The following FBXW7 variants were observed in gnomAD, a reference collection of about 807,000 sequenced individuals.
FBXW7 encodes F-box and WD repeat domain containing 7, also known as F-box/WD repeat-containing protein 7.
In FBXW7, 11 loss-of-function variants were observed where a neutral mutation model predicts 86.3. That is an observed-to-expected ratio of 0.13 (90% CI 0.08 to 0.21). FBXW7 has a LOEUF of 0.21. FBXW7 is among the 10% of genes least tolerant of loss of function. FBXW7 has a pLI of 1.00. For missense variants in FBXW7, 488 were observed against 847.4 expected (o/e 0.58, Z 5.27); for synonymous variants, 313 against 297.9 (o/e 1.05, Z -0.52).
chr4:152,324,571 A>G, intron 12 of FBXW7, 177 bp from the exon 13 acceptor site: 1 of 581,628 alleles, frequency 1.7e-6, no homozygotes, highest in Non-Finnish European at 3.1e-6. Context: ...GCAACTCTAC[A>G]ATGTATGTTC....
intron 2 of FBXW7, among the ~76,000 whole-genome samples, chr4:152,418,037 G>A (rs1579145821): frequency 6.6e-6 from 1 of 151,804 alleles, no homozygotes; most frequent in South Asian, 2.1e-4. Flanking sequence ...AAAGCTCTTG[G>A]GGCAAAATGT....
chr4:152,382,722 A>C (rs1400556169), intron 4 of FBXW7, among the ~76,000 whole-genome samples: 3 of 152,162 alleles, frequency 2.0e-5, no homozygotes, highest in African/African-American at 7.2e-5. Flanking sequence ...AAGTGAAAGT[A>C]AATTTTTACT....
chr4:152,422,934 TTTC>T (rs1326405769), intron 2 of FBXW7, among the ~76,000 whole-genome samples: 1 of 152,226 alleles, frequency 6.6e-6, no homozygotes, highest in Non-Finnish European at 1.5e-5. Context: ...TTTCCATTCT[TTTC>T]TTTTTCTTAA....
At chr4:152,377,171 A>G (rs1351056351) in intron 4 of FBXW7, among the ~76,000 whole-genome samples, 1 of 152,194 alleles carries the variant, frequency 6.6e-6, no homozygotes, top group Non-Finnish European at 1.5e-5. Flanking sequence ...AACAGCCAGT[A>G]CCTGCAGCAT....
intron 2 of FBXW7, among the ~76,000 whole-genome samples, chr4:152,417,814 T>C (rs540237070): frequency 6.6e-6 from 1 of 152,154 alleles, no homozygotes; most frequent in South Asian, 2.1e-4. Context: ...TTGGAATCCA[T>C]GGCAACCACC....
chr4:152,354,160 C>T (rs1023471130), intron 4 of FBXW7, among the ~76,000 whole-genome samples: 4 of 151,808 alleles, frequency 2.6e-5, no homozygotes, highest in East Asian at 1.9e-4. Flanking sequence ...ATTAAGATAA[C>T]GTAAAATTTT....
chr4:152,467,193 G>A (rs755268246), intron 2 of FBXW7, among the ~76,000 whole-genome samples: 9 of 152,122 alleles, frequency 5.9e-5, no homozygotes, highest in Non-Finnish European at 1.0e-4. Flanking sequence ...CCCAGTGCAA[G>A]GTAATCGAAT....
intron 2 of FBXW7, among the ~76,000 whole-genome samples, chr4:152,523,786 AC>A (rs1242952027): frequency 6.6e-6 from 1 of 152,232 alleles, no homozygotes; most frequent in African/African-American, 2.4e-5. Context: ...AAGTCCAACA[AC>A]CAAATTTCCT....
At chr4:152,378,040 T>C (rs1284971562) in intron 4 of FBXW7, among the ~76,000 whole-genome samples, 1 of 152,174 alleles carries the variant, frequency 6.6e-6, no homozygotes, top group Non-Finnish European at 1.5e-5. Context: ...GTTTAAGTAC[T>C]GTCTGTGGCT....
intron 2 of FBXW7, among the ~76,000 whole-genome samples, chr4:152,504,590 T>G (rs1268704800): frequency 6.6e-6 from 1 of 152,172 alleles, no homozygotes; most frequent in Non-Finnish European, 1.5e-5. Flanking sequence ...TTTACCAATT[T>G]AGATGCAAAT....
intron 4 of FBXW7, among the ~76,000 whole-genome samples, chr4:152,404,794 T>C (rs562221964): frequency 6.6e-6 from 1 of 152,148 alleles, no homozygotes; most frequent in African/African-American, 2.4e-5. Flanking sequence ...TAGGTACATC[T>C]TAAGAGGTGA....
At chr4:152,426,896 A>G (rs1422754942) in intron 2 of FBXW7, among the ~76,000 whole-genome samples, 1 of 152,214 alleles carries the variant, frequency 6.6e-6, no homozygotes, top group African/African-American at 2.4e-5. Flanking sequence ...ACTTGGGAAA[A>G]CAGAGTCAAG....
At chr4:152,508,069 CAAAAAG>C (rs1747594316) in intron 2 of FBXW7, among the ~76,000 whole-genome samples, 1 of 148,060 alleles carries the variant, frequency 6.8e-6, no homozygotes, top group Admixed American at 6.7e-5. Context: ...GACCCTGACT[CAAAAAG>C]AAAAAAAAAA....
At chr4:152,340,575 CA>C (rs556530800) in intron 6 of FBXW7, among the ~76,000 whole-genome samples, 888 of 31,920 alleles carry the variant, frequency 0.028, 1 homozygote, top group East Asian at 0.056. Context: ...AACTCCATCT[CA>C]AAAAAAAAAA....
At chr4:152,360,082 A>G (rs1040570087) in intron 4 of FBXW7, among the ~76,000 whole-genome samples, 3 of 152,232 alleles carry the variant, frequency 2.0e-5, no homozygotes, top group Non-Finnish European at 4.4e-5. Flanking sequence ...AACCCATGTG[A>G]TAACAATTAT....
At chr4:152,432,446 T>A (rs1460404974) in intron 2 of FBXW7, among the ~76,000 whole-genome samples, 1 of 152,186 alleles carries the variant, frequency 6.6e-6, no homozygotes, top group African/African-American at 2.4e-5. Context: ...ACTTTTTATA[T>A]AAAGTAGAAA....
intron 4 of FBXW7, among the ~76,000 whole-genome samples, chr4:152,364,432 C>T (rs772717551): frequency 1.3e-5 from 2 of 152,098 alleles, no homozygotes; most frequent in Non-Finnish European, 2.9e-5. Flanking sequence ...ATGATTTGAA[C>T]CCTATGGAAA....
chr4:152,380,243 A>G (rs1287195256), intron 4 of FBXW7, among the ~76,000 whole-genome samples: 1 of 152,068 alleles, frequency 6.6e-6, no homozygotes, highest in Non-Finnish European at 1.5e-5. Flanking sequence ...ATTAATTATA[A>G]CATATTAAAA....
At chr4:152,492,582 A>G (rs561282474) in intron 2 of FBXW7, among the ~76,000 whole-genome samples, 1 of 152,226 alleles carries the variant, frequency 6.6e-6, no homozygotes, top group South Asian at 2.1e-4. Flanking sequence ...GGTTTTAGTG[A>G]TTATTTTATG....
Sources: allele counts gnomAD v4.1 joint callset (sites outside exome capture counted in the v4.1 genomes callset), GRCh38; gene constraint gnomAD v4.1.1; transcripts MANE v1.5; gene names NCBI Gene and HGNC (gene_info 2026-07-23, HGNC 2026-07-21).